TMEM132D: variants seen among roughly 807,000 people sequenced by gnomAD.
TMEM132D encodes mature OL transmembrane protein.
TMEM132D carries 21 observed loss-of-function variants against 62.3 expected under a neutral mutation model. The ratio of observed to expected loss-of-function variants is 0.34; its 90% CI spans 0.24 to 0.49. The LOEUF is 0.49. Ranked by LOEUF, TMEM132D falls within the 20% of genes least tolerant of loss-of-function variation. The probability of loss-of-function intolerance (pLI) is 0.99; values close to 1 mark genes in which losing one functional copy is unlikely to be tolerated. For missense variants in TMEM132D, 1,346 were observed against 1,402.8 expected, an observed-to-expected ratio of 0.96 and a Z score of 0.65; for synonymous variants, 621 against 575.6, an observed-to-expected ratio of 1.08 and a Z score of -1.13.
At chr12:129,477,745 T>C (rs919253068) in intron 3 of TMEM132D, among the ~76,000 whole-genome samples, 1 of 151,780 alleles carries the variant, frequency 6.6e-6, no homozygotes, top group Non-Finnish European at 1.5e-5. Context: ...GGCATGAACC[T>C]GGGAGGCGGA....
intron 4 of TMEM132D, among the ~76,000 whole-genome samples, chr12:129,242,311 C>T (rs527712944): frequency 6.6e-6 from 1 of 152,298 alleles, no homozygotes; most frequent in South Asian, 2.1e-4. Context: ...ATTATTTTGA[C>T]ATTTATGCAC....
chr12:129,153,228 T>G (rs1209321402), intron 5 of TMEM132D, among the ~76,000 whole-genome samples: 9 of 151,958 alleles, frequency 5.9e-5, no homozygotes, highest in Admixed American at 5.9e-4. Flanking sequence ...TGCCAGACAC[T>G]GGGAGGAAAG....
intron 4 of TMEM132D, among the ~76,000 whole-genome samples, chr12:129,280,384 G>A (rs1249260539): frequency 1.3e-5 from 2 of 152,214 alleles, no homozygotes; most frequent in African/African-American, 4.8e-5. Context: ...TGCACAAAAC[G>A]GGTTTATTAC....
chr12:129,572,305 T>C (rs1438017887), intron 2 of TMEM132D, among the ~76,000 whole-genome samples: 2 of 152,248 alleles, frequency 1.3e-5, no homozygotes, highest in Non-Finnish European at 2.9e-5. Context: ...TGTTGAATTG[T>C]GTGGAGCTGG....
intron 3 of TMEM132D, among the ~76,000 whole-genome samples, chr12:129,446,871 G>A (rs1386110905): frequency 4.6e-5 from 7 of 152,142 alleles, no homozygotes; most frequent in Non-Finnish European, 5.9e-5. Context: ...TCGCCTGGCC[G>A]TGAGACCCGG....
chr12:129,420,246 T>A (rs1352838678), intron 3 of TMEM132D, among the ~76,000 whole-genome samples: 1 of 150,968 alleles, frequency 6.6e-6, no homozygotes, highest in Non-Finnish European at 1.5e-5. Flanking sequence ...CCGTGTTTCA[T>A]ATTCTCTAAG....
At chr12:129,450,207 A>C (rs1873231184) in intron 3 of TMEM132D, among the ~76,000 whole-genome samples, 1 of 152,104 alleles carries the variant, frequency 6.6e-6, no homozygotes, top group Admixed American at 6.6e-5. Context: ...GAAGCTCTTT[A>C]ATTAGATCCC....
chr12:129,604,247 A>G (rs1408892746), intron 2 of TMEM132D, among the ~76,000 whole-genome samples: 2 of 152,156 alleles, frequency 1.3e-5, no homozygotes, highest in Non-Finnish European at 2.9e-5. Context: ...TGATGGGTTG[A>G]TAGGTGCAGC....
intron 1 of TMEM132D, among the ~76,000 whole-genome samples, chr12:129,842,381 T>A (rs1252677942): frequency 6.6e-6 from 1 of 152,056 alleles, no homozygotes; most frequent in Non-Finnish European, 1.5e-5. Context: ...TAGGACTGGG[T>A]CGTTCTGTGA....
chr12:129,242,612 G>A (rs1879965933), intron 4 of TMEM132D, among the ~76,000 whole-genome samples: 2 of 151,664 alleles, frequency 1.3e-5, no homozygotes, highest in African/African-American at 2.4e-5. Context: ...TTCATTTTTT[G>A]TGCTTTTCAA....
chr12:129,483,644 C>T (rs1392935743), intron 3 of TMEM132D, among the ~76,000 whole-genome samples: 1 of 152,202 alleles, frequency 6.6e-6, no homozygotes, highest in Admixed American at 6.5e-5. Context: ...AACACAAACG[C>T]TGCCAGCAGT....
chr12:129,243,521 A>G (rs977720900), intron 4 of TMEM132D, among the ~76,000 whole-genome samples: 1 of 152,174 alleles, frequency 6.6e-6, no homozygotes, highest in Non-Finnish European at 1.5e-5. Context: ...TTCTTTACAC[A>G]TGCATGCAGC....
intron 5 of TMEM132D, among the ~76,000 whole-genome samples, chr12:129,194,539 CTG>C (rs1277300885): frequency 1.3e-5 from 2 of 152,176 alleles, no homozygotes; most frequent in African/African-American, 4.8e-5. Flanking sequence ...ATGAAATAAT[CTG>C]TACAACAAAT....
intron 3 of TMEM132D, among the ~76,000 whole-genome samples, chr12:129,377,698 A>G (rs1870823560): frequency 6.6e-6 from 1 of 152,138 alleles, no homozygotes; most frequent in African/African-American, 2.4e-5. Context: ...TGGTGAGTGT[A>G]AATCTTTGAC....
At chr12:129,872,855 G>T (rs1405395074) in intron 1 of TMEM132D, among the ~76,000 whole-genome samples, 1 of 152,170 alleles carries the variant, frequency 6.6e-6, no homozygotes. Context: ...ATTCAAATAT[G>T]TTAGAGCTGG....
intron 5 of TMEM132D, among the ~76,000 whole-genome samples, chr12:129,162,045 A>C (rs1358840685): frequency 1.3e-5 from 2 of 152,122 alleles, no homozygotes; most frequent in Non-Finnish European, 2.9e-5. Flanking sequence ...TTGGAGAATA[A>C]TGGGTGAGGG....
chr12:129,397,901 C>T (rs749652873), intron 3 of TMEM132D, among the ~76,000 whole-genome samples: 8 of 152,126 alleles, frequency 5.3e-5, no homozygotes, highest in Non-Finnish European at 1.2e-4. Flanking sequence ...GAGGCAGAAC[C>T]GACGGCCTTT....
At chr12:129,700,772 G>T in intron 1 of TMEM132D, 74 bp from the exon 2 acceptor site, 1 of 1,492,818 alleles carries the variant, frequency 6.7e-7, no homozygotes, top group Non-Finnish European at 8.9e-7. Flanking sequence ...ACATCTGCGT[G>T]CCCCCTTCAT....
chr12:129,295,500 G>A (rs908450080), intron 4 of TMEM132D, among the ~76,000 whole-genome samples: 7 of 144,220 alleles, frequency 4.9e-5, no homozygotes, highest in South Asian at 2.2e-4. Context: ...GCGTGATCTC[G>A]GCTCACTGCA....
Sources: gnomAD v4.1 joint callset for allele counts (sites outside exome capture counted in the v4.1 genomes callset) on GRCh38, gnomAD v4.1.1 for gene constraint, MANE v1.5 for transcripts, NCBI Gene and HGNC (gene_info 2026-07-23, HGNC 2026-07-21) for gene names.